Variants in VIT observed in about 807,000 individuals in gnomAD.
VIT encodes the protein vitrin.
Under a neutral mutation model 78.0 loss-of-function variants are expected in VIT, and 99 were observed. The observed-to-expected ratio is 1.27, with a 90% CI of 1.08 to 1.50. The LOEUF (loss-of-function observed/expected upper bound fraction) is 1.50. Among genes scored for constraint, VIT ranks in the 40% most tolerant of loss-of-function variants. The probability of loss-of-function intolerance (pLI) is 0.00; values close to 1 mark genes in which losing one functional copy is unlikely to be tolerated. For missense variants in VIT, 1,126 were observed against 875.3 expected (o/e 1.29, Z -3.61); for synonymous variants, 374 against 334.3 (o/e 1.12, Z -1.29).
intron 3 of VIT, among the ~76,000 whole-genome samples, chr2:36,739,964 C>G (rs1316543380): frequency 6.6e-6 from 1 of 152,216 alleles, no homozygotes; most frequent in Non-Finnish European, 1.5e-5. Context: ...TTAGAACTTA[C>G]AAATAATTTT....
chr2:36,736,764 G>GT (rs1270763651), intron 3 of VIT, among the ~76,000 whole-genome samples: 1 of 152,244 alleles, frequency 6.6e-6, no homozygotes, highest in African/African-American at 2.4e-5. Context: ...GAGGCCTCCT[G>GT]TATGCACTGC....
intron 1 of VIT, among the ~76,000 whole-genome samples, chr2:36,703,993 C>G (rs183280365): frequency 1.4e-5 from 2 of 145,154 alleles, no homozygotes; most frequent in East Asian, 4.2e-4. Flanking sequence ...GGCACGATCT[C>G]GGCTCACTAC....
intron 12 of VIT, among the ~76,000 whole-genome samples, chr2:36,795,278 G>GA (rs1353962575): frequency 6.6e-6 from 1 of 151,650 alleles, no homozygotes; most frequent in Admixed American, 6.6e-5. Flanking sequence ...TAGAGGTGGG[G>GA]AAAAAGAATG....
intron 12 of VIT, among the ~76,000 whole-genome samples, chr2:36,789,125 A>G (rs1345447923): frequency 6.6e-6 from 1 of 152,214 alleles, no homozygotes; most frequent in African/African-American, 2.4e-5. Flanking sequence ...TTTTATGCTC[A>G]CATAAGCTAA....
intron 13 of VIT, among the ~76,000 whole-genome samples, chr2:36,804,726 A>G (rs1558589596): frequency 1.3e-5 from 2 of 152,140 alleles, no homozygotes; most frequent in African/African-American, 4.8e-5. Context: ...GCTACTTGGC[A>G]GGCTGAGGCA....
At chr2:36,725,872 G>T (rs1275916415) in intron 2 of VIT, among the ~76,000 whole-genome samples, 3 of 152,088 alleles carry the variant, frequency 2.0e-5, no homozygotes, top group Admixed American at 1.3e-4. Context: ...AGGAGTTCAA[G>T]ACCAGCCTGG....
At chr2:36,757,958 C>T (rs745735163) in intron 5 of VIT, among the ~76,000 whole-genome samples, 6 of 152,146 alleles carry the variant, frequency 3.9e-5, no homozygotes, top group Admixed American at 1.3e-4. Context: ...CATGACCCTA[C>T]GATTCCTGTG....
chr2:36,734,074 C>T (rs559620872), intron 3 of VIT, among the ~76,000 whole-genome samples: 35 of 152,264 alleles, frequency 2.3e-4, no homozygotes, highest in Non-Finnish European at 4.3e-4. Flanking sequence ...CGGGACCTTT[C>T]GTCTCACCCA....
At chr2:36,711,586 C>T (rs1284314227) in intron 1 of VIT, among the ~76,000 whole-genome samples, 2 of 152,184 alleles carry the variant, frequency 1.3e-5, no homozygotes, top group African/African-American at 2.4e-5. Flanking sequence ...CACAAGTGTA[C>T]TGTGAAGAAC....
intron 1 of VIT, among the ~76,000 whole-genome samples, chr2:36,703,145 G>T (rs1245393484): frequency 2.0e-5 from 3 of 152,168 alleles, no homozygotes; most frequent in African/African-American, 7.2e-5. Context: ...TGGGTTACTG[G>T]GCATCCAAGC....
chr2:36,714,382 A>G (rs1665994973), intron 1 of VIT, among the ~76,000 whole-genome samples: 1 of 152,188 alleles, frequency 6.6e-6, no homozygotes, highest in Non-Finnish European at 1.5e-5. Context: ...GTGGCTTCAA[A>G]ATCAGCCATG....
At chr2:36,788,600 C>T (rs973250507) in intron 12 of VIT, among the ~76,000 whole-genome samples, 4 of 152,090 alleles carry the variant, frequency 2.6e-5, no homozygotes, top group Non-Finnish European at 4.4e-5. Flanking sequence ...AAGAAAAGTG[C>T]GGTTTTAGGG....
chr2:36,787,659 G>C (rs1409665487), intron 12 of VIT: 2 of 335,696 alleles, frequency 6.0e-6, no homozygotes, highest in Non-Finnish European at 1.1e-5. Flanking sequence ...GGTTGGATCT[G>C]CTTTCAACCC....
intron 1 of VIT, among the ~76,000 whole-genome samples, chr2:36,709,362 G>A (rs929181768): frequency 6.6e-6 from 1 of 152,078 alleles, no homozygotes; most frequent in African/African-American, 2.4e-5. Context: ...TAAAATGAAA[G>A]CAAGAAATAG....
intron 12 of VIT, among the ~76,000 whole-genome samples, chr2:36,796,815 T>C (rs544616254): frequency 6.6e-6 from 1 of 152,128 alleles, no homozygotes; most frequent in Non-Finnish European, 1.5e-5. Context: ...TTTAAATTAT[T>C]TGTCGATGAG....
intron 1 of VIT, among the ~76,000 whole-genome samples, chr2:36,712,657 A>G (rs144483781): frequency 0.015 from 2,238 of 152,212 alleles, 22 homozygotes; most frequent in Non-Finnish European, 0.025. Context: ...CCAACATGCT[A>G]AAACCCCGTC....
intron 3 of VIT, among the ~76,000 whole-genome samples, chr2:36,735,419 TG>T (rs1230672558): frequency 6.6e-6 from 1 of 152,234 alleles, no homozygotes; most frequent in Non-Finnish European, 1.5e-5. Context: ...TGCCAATTGC[TG>T]GGGTAGGGGG....
intron 12 of VIT, among the ~76,000 whole-genome samples, chr2:36,795,716 T>A (rs993933561): frequency 4.6e-5 from 7 of 152,302 alleles, no homozygotes; most frequent in African/African-American, 1.7e-4. Context: ...TCTGCCTTCT[T>A]GTTTCAACTC....
chr2:36,750,055 C>T (rs1192425983), intron 4 of VIT, among the ~76,000 whole-genome samples: 3 of 152,138 alleles, frequency 2.0e-5, no homozygotes, highest in Admixed American at 6.5e-5. Context: ...ATTACAAAAG[C>T]TCTATTAAGG....
Sources: allele counts gnomAD v4.1 joint callset (sites outside exome capture counted in the v4.1 genomes callset), GRCh38; gene constraint gnomAD v4.1.1; transcripts MANE v1.5; gene names NCBI Gene and HGNC (gene_info 2026-07-23, HGNC 2026-07-21).